GPC6: variants seen among roughly 807,000 people sequenced by gnomAD.
GPC6 encodes glypican 6.
Under a neutral mutation model 55.2 loss-of-function variants are expected in GPC6, and 14 were observed. The ratio of observed to expected loss-of-function variants is 0.25; its 90% CI spans 0.17 to 0.40. The LOEUF is 0.40. Ranked by LOEUF, GPC6 falls within the 10% of genes least tolerant of loss-of-function variation. The pLI is 1.00. For synonymous variants in GPC6, 278 were observed against 259.6 expected, an observed-to-expected ratio of 1.07 and a Z score of -0.68; for missense variants, 641 against 708.5, an observed-to-expected ratio of 0.90 and a Z score of 1.08.
At chr13:94,072,632 G>A (rs528477234) in intron 4 of GPC6, among the ~76,000 whole-genome samples, 3 of 152,300 alleles carry the variant, frequency 2.0e-5, no homozygotes, top group African/African-American at 4.8e-5. Flanking sequence ...GATTAGAGGC[G>A]TGAGCCACCA....
chr13:94,244,727 G>A (rs1432676540), intron 4 of GPC6, among the ~76,000 whole-genome samples: 1 of 152,026 alleles, frequency 6.6e-6, no homozygotes, highest in African/African-American at 2.4e-5. Context: ...AGTGAAGGCA[G>A]AGTAGCCATG....
At chr13:94,360,577 TA>T (rs79401786) in intron 6 of GPC6, among the ~76,000 whole-genome samples, 1 of 151,750 alleles carries the variant, frequency 6.6e-6, no homozygotes, top group Non-Finnish European at 1.5e-5. Context: ...ATAGTGGCGT[TA>T]AAAAAAAGGC....
chr13:94,004,118 A>G (rs1881920038), intron 3 of GPC6, among the ~76,000 whole-genome samples: 1 of 152,124 alleles, frequency 6.6e-6, no homozygotes, highest in African/African-American at 2.4e-5. Context: ...GAGTAATCTC[A>G]GTTTTCCTCA....
At chr13:93,338,039 T>G (rs1880107940) in intron 1 of GPC6, among the ~76,000 whole-genome samples, 1 of 152,296 alleles carries the variant, frequency 6.6e-6, no homozygotes, top group East Asian at 1.9e-4. Flanking sequence ...TGTTTGTTCA[T>G]TTTTCGCTAA....
chr13:93,899,138 G>A (rs928674871), intron 3 of GPC6, among the ~76,000 whole-genome samples: 1 of 151,542 alleles, frequency 6.6e-6, no homozygotes, highest in African/African-American at 2.4e-5. Flanking sequence ...TTCACTGTCA[G>A]TTATTCGGCC....
rs2039104 is a variant in GPC6, at chr13:94,099,927, C to T, written c.877+72033C>T. Among the ~76,000 whole-genome samples the T allele has an allele frequency of 7.3e-3, 1,111 of 151,600 alleles. 7 individuals carry two copies. The highest frequency in any genetic ancestry group is 0.013 in the South Asian group (62 of 4,808). On this transcript the variant is annotated intron_variant, in intron 4 of 8. Transcript: ENST00000377047. ...TTGTGGACTTCACTTAATTCTTAGCCAGCATTAGAATTAATAGAAACTGCA... is the reference window on the plus strand; with the variant it reads ...TTGTGGACTTCACTTAATTCTTAGCTAGCATTAGAATTAATAGAAACTGCA...
intron 4 of GPC6, among the ~76,000 whole-genome samples, chr13:94,118,214 A>T (rs1366040555): frequency 6.6e-6 from 1 of 152,096 alleles, no homozygotes; most frequent in Non-Finnish European, 1.5e-5. Context: ...TCATAGGGGC[A>T]GTTTCCACAT....
rs150663857 is a variant in GPC6, at chr13:94,159,975, A to G, written c.878-126374A>G. On this transcript the variant is annotated intron_variant, in intron 4 of 8. Coordinates refer to ENST00000377047, the MANE Select transcript of GPC6 (RefSeq NM_005708.5). ...TTTGGTGCTTTATGACAGTTTATAT[A>G]GGCAATATATATTTAAATAATAATC... 1.5e-4 allele frequency among the ~76,000 whole-genome samples: 23 copies of G among 152,318 alleles called. 2 individuals carry two copies. Among genetic ancestry groups the G allele is most frequent in the African/African-American group, 5.5e-4 (23 of 41,584 alleles).
chr13:94,295,356 T>C (rs2139097696), intron 5 of GPC6, among the ~76,000 whole-genome samples: 1 of 152,284 alleles, frequency 6.6e-6, no homozygotes, highest in South Asian at 2.1e-4. Flanking sequence ...ATTAAAAATA[T>C]CTATGGTACC....
chr13:93,520,407 C>T (rs1216968136), intron 1 of GPC6, among the ~76,000 whole-genome samples: 2 of 151,784 alleles, frequency 1.3e-5, no homozygotes, highest in Admixed American at 1.3e-4. Context: ...ATTAACAAGT[C>T]ACTTTCTCAA....
intron 1 of GPC6, among the ~76,000 whole-genome samples, chr13:93,368,239 C>T (rs1360280542): frequency 1.3e-5 from 2 of 151,446 alleles, no homozygotes. Flanking sequence ...AAACTCCCTC[C>T]GTCCCTCCCT....
At chr13:94,389,250 C>T (rs1163376924) in intron 7 of GPC6, among the ~76,000 whole-genome samples, 2 of 152,044 alleles carry the variant, frequency 1.3e-5, no homozygotes, top group East Asian at 3.9e-4. Flanking sequence ...CTAGGCCTCC[C>T]AAAGTTCCTG....
At chr13:94,140,764 G>A (rs1250931203) in intron 4 of GPC6, among the ~76,000 whole-genome samples, 1 of 152,102 alleles carries the variant, frequency 6.6e-6, no homozygotes, top group Non-Finnish European at 1.5e-5. Context: ...AGCTGGCATC[G>A]TGGTTTGAGG....
At chr13:94,067,472 C>G (rs1369187038) in intron 4 of GPC6, among the ~76,000 whole-genome samples, 2 of 142,432 alleles carry the variant, frequency 1.4e-5, no homozygotes, top group Non-Finnish European at 3.1e-5. Flanking sequence ...CTCTCTCTGT[C>G]TGTCTGTCTC....
intron 2 of GPC6, among the ~76,000 whole-genome samples, chr13:93,753,718 C>G (rs985044617): frequency 1.4e-4 from 22 of 152,032 alleles, no homozygotes; most frequent in Admixed American, 1.4e-3. Context: ...CTTCCCCCAA[C>G]CCCTCCACCA....
At chr13:93,542,584 G>C (rs1245278760) in intron 1 of GPC6, among the ~76,000 whole-genome samples, 1 of 152,152 alleles carries the variant, frequency 6.6e-6, no homozygotes, top group Non-Finnish European at 1.5e-5. Context: ...GCTTGATGGG[G>C]ATGGCATTGA....
intron 3 of GPC6, among the ~76,000 whole-genome samples, chr13:93,962,125 A>G (rs1566624245): frequency 2.0e-5 from 3 of 152,152 alleles, no homozygotes. Flanking sequence ...TTTGAACCAT[A>G]TTGCTTACCT....
chr13:94,061,091 G>T (rs200905261), intron 4 of GPC6, among the ~76,000 whole-genome samples: 1 of 152,292 alleles, frequency 6.6e-6, no homozygotes, highest in East Asian at 1.9e-4. Context: ...GTGAAAATAT[G>T]TAAGCAATGG....
intron 2 of GPC6, among the ~76,000 whole-genome samples, chr13:93,805,147 C>G (rs1886504815): frequency 6.6e-6 from 1 of 152,022 alleles, no homozygotes; most frequent in Non-Finnish European, 1.5e-5. Flanking sequence ...GAATAATTTA[C>G]AATAAAACCC....
Sources: gnomAD v4.1 joint callset for allele counts (sites outside exome capture counted in the v4.1 genomes callset) on GRCh38, gnomAD v4.1.1 for gene constraint, MANE v1.5 for transcripts, NCBI Gene and HGNC (gene_info 2026-07-23, HGNC 2026-07-21) for gene names.